Variants in ZNF804A observed in about 807,000 individuals in gnomAD.
ZNF804A encodes the protein zinc finger protein 804A.
Under a neutral mutation model 16.5 loss-of-function variants are expected in ZNF804A, and 2 were observed. That is an observed-to-expected ratio of 0.12 (90% CI 0.05 to 0.38). ZNF804A has a LOEUF of 0.38. ZNF804A is among the 10% of genes least tolerant of loss of function. ZNF804A has a pLI of 0.99. For missense variants in ZNF804A, 1,473 were observed against 1,390.7 expected, an observed-to-expected ratio of 1.06 and a Z score of -0.94; for synonymous variants, 534 against 489.6, an observed-to-expected ratio of 1.09 and a Z score of -1.20.
intron 1 of ZNF804A, among the ~76,000 whole-genome samples, chr2:184,676,454 A>T (rs1349623439): frequency 1.3e-5 from 2 of 151,678 alleles, no homozygotes; most frequent in South Asian, 4.1e-4. Flanking sequence ...ATCAAGGTTG[A>T]AAATATATTT....
At chr2:184,714,116 G>A (rs142592294) in intron 1 of ZNF804A, among the ~76,000 whole-genome samples, 17 of 152,090 alleles carry the variant, frequency 1.1e-4, no homozygotes, top group Admixed American at 3.3e-4. Context: ...AGAATAATTT[G>A]TATATTATAG....
intron 2 of ZNF804A, among the ~76,000 whole-genome samples, chr2:184,891,775 A>G (rs1193491223): frequency 6.6e-6 from 1 of 152,198 alleles, no homozygotes; most frequent in East Asian, 1.9e-4. Context: ...AATTAACTTT[A>G]TCCAGTATTA....
At chr2:184,805,917 C>G (rs1327466809) in intron 1 of ZNF804A, among the ~76,000 whole-genome samples, 2 of 151,876 alleles carry the variant, frequency 1.3e-5, no homozygotes, top group African/African-American at 4.8e-5. Context: ...CTTATTATAT[C>G]AATAGTGAGG....
chr2:184,905,126 A>G (rs532630118), intron 2 of ZNF804A, among the ~76,000 whole-genome samples: 2 of 151,956 alleles, frequency 1.3e-5, no homozygotes, highest in Admixed American at 6.6e-5. Context: ...ATTATGATTA[A>G]GTCAGTGTTT....
intron 1 of ZNF804A, among the ~76,000 whole-genome samples, chr2:184,609,578 G>C (rs1380335398): frequency 2.0e-5 from 3 of 152,226 alleles, no homozygotes; most frequent in African/African-American, 4.8e-5. Context: ...GGAAGTCCAA[G>C]ATCAAGTTCC....
At chr2:184,665,142 A>C (rs965862609) in intron 1 of ZNF804A, among the ~76,000 whole-genome samples, 1 of 152,206 alleles carries the variant, frequency 6.6e-6, no homozygotes, top group East Asian at 1.9e-4. Flanking sequence ...CAATCATTTA[A>C]AATACTGCAG....
chr2:184,722,689 T>C (rs1693337508), intron 1 of ZNF804A, among the ~76,000 whole-genome samples: 1 of 152,044 alleles, frequency 6.6e-6, no homozygotes, highest in African/African-American at 2.4e-5. Flanking sequence ...ATGGTTTGTA[T>C]ACCTGTAACT....
rs372846349 is a variant in ZNF804A, at chr2:184,614,708, C to G, written c.111+15638C>G. Among the ~76,000 whole-genome samples the G allele has an allele frequency of 1.3e-4, 20 of 152,134 alleles. No individual in the cohort carries two copies. In the East Asian group the frequency reaches 1.5e-3, roughly 12 times the overall value. ...ATTCACAAGAAAAAAACAAACATCC[C>G]AATCAAAAAGTCGGCAGAGGATGTG... On this transcript the variant is annotated intron_variant, in intron 1 of 3. Transcript: ENST00000302277.
chr2:184,734,313 A>T (rs532536201), intron 1 of ZNF804A, among the ~76,000 whole-genome samples: 7 of 152,114 alleles, frequency 4.6e-5, no homozygotes, highest in Non-Finnish European at 8.8e-5. Flanking sequence ...TATTCTGTAA[A>T]TTACCGTCTA....
chr2:184,769,915 A>G (rs1382347466), intron 1 of ZNF804A, among the ~76,000 whole-genome samples: 2 of 152,112 alleles, frequency 1.3e-5, no homozygotes, highest in Admixed American at 1.3e-4. Flanking sequence ...AAGCACAAGT[A>G]AAACATCTGT....
At chr2:184,639,230 C>A (rs143516948) in intron 1 of ZNF804A, among the ~76,000 whole-genome samples, 1 of 151,908 alleles carries the variant, frequency 6.6e-6, no homozygotes, top group Non-Finnish European at 1.5e-5. Context: ...CCCACCACCA[C>A]GCCCAGCTAA....
At chr2:184,910,979 A>T (rs544914730) in intron 2 of ZNF804A, among the ~76,000 whole-genome samples, 1 of 152,036 alleles carries the variant, frequency 6.6e-6, no homozygotes, top group East Asian at 1.9e-4. Flanking sequence ...TCTTTATTTT[A>T]ATTAGGTCCA....
At position 184,598,985 on chromosome 2, in the gene ZNF804A, G is replaced by C. The variant is rs774984467; in HGVS notation, c.26G>C (p.Ser9Thr). 3.7e-6 allele frequency: 6 copies of C among 1,613,830 alleles called. No homozygotes were observed. The South Asian group carries it at 6.6e-5, about 18-fold the overall frequency. Reference sequence around the variant, plus strand: ...ATGGAGTGTTACTACATTGTCATCAGCTCCACGCATCTCAGCAACGGACAC... The same window carrying C: ...ATGGAGTGTTACTACATTGTCATCACCTCCACGCATCTCAGCAACGGACAC... MECYYIVI[S>T]STHLSNGHFR... Residue 9 changes from serine to threonine, a missense_variant, in exon 1 of 4, where the codon AGC (serine) becomes ACC (threonine). Transcript: ENST00000302277.
At chr2:184,605,820 T>C (rs1691136784) in intron 1 of ZNF804A, among the ~76,000 whole-genome samples, 2 of 152,144 alleles carry the variant, frequency 1.3e-5, no homozygotes, top group Admixed American at 6.5e-5. Flanking sequence ...TGATAGTGTC[T>C]TCAAGTAGCC....
chr2:184,717,278 A>G (rs1037116359), intron 1 of ZNF804A, among the ~76,000 whole-genome samples: 1 of 152,126 alleles, frequency 6.6e-6, no homozygotes, highest in Non-Finnish European at 1.5e-5. Flanking sequence ...CCAGTTTTTT[A>G]GAATTATTTT....
chr2:184,706,515 G>C (rs1018666868), intron 1 of ZNF804A, among the ~76,000 whole-genome samples: 3 of 152,154 alleles, frequency 2.0e-5, no homozygotes, highest in African/African-American at 4.8e-5. Context: ...TGTTGATAGA[G>C]AGCTGCTGAT....
chr2:184,639,802 A>T (rs1421896170), intron 1 of ZNF804A, among the ~76,000 whole-genome samples: 1 of 152,040 alleles, frequency 6.6e-6, no homozygotes, highest in East Asian at 1.9e-4. Context: ...GGAGATTGAG[A>T]CCATCCTGGT....
At chr2:184,886,178 G>C (rs1252175012) in intron 2 of ZNF804A, among the ~76,000 whole-genome samples, 1 of 152,138 alleles carries the variant, frequency 6.6e-6, no homozygotes, top group Non-Finnish European at 1.5e-5. Context: ...AAACAAAGGA[G>C]TTACAAGGCC....
intron 1 of ZNF804A, among the ~76,000 whole-genome samples, chr2:184,704,416 T>C (rs1692986064): frequency 6.6e-6 from 1 of 152,118 alleles, no homozygotes; most frequent in Non-Finnish European, 1.5e-5. Flanking sequence ...CCTCCCAAAG[T>C]CCTGGGATTA....
Sources: allele counts gnomAD v4.1 joint callset (sites outside exome capture counted in the v4.1 genomes callset), GRCh38; gene constraint gnomAD v4.1.1; transcripts MANE v1.5; gene names NCBI Gene and HGNC (gene_info 2026-07-23, HGNC 2026-07-21).